MACROD1: variants seen among roughly 807,000 people sequenced by gnomAD.
The protein encoded by MACROD1 is mono-ADP ribosylhydrolase 1.
In MACROD1, 31 loss-of-function variants were observed where a neutral mutation model predicts 41.4. The observed-to-expected ratio is 0.75, with a 90% CI of 0.56 to 1.01. MACROD1 has a LOEUF of 1.01. MACROD1 is among the 50% of genes least tolerant of loss of function. The probability of loss-of-function intolerance (pLI) is 0.00; values close to 1 mark genes in which losing one functional copy is unlikely to be tolerated. For missense variants in MACROD1, 473 were observed against 460.0 expected (o/e 1.03, Z -0.26); for synonymous variants, 252 against 203.4 (o/e 1.24, Z -2.03).
At chr11:64,000,121 C>A in intron 5 of MACROD1, 106 bp downstream of exon 5, 1 of 872,500 alleles carries the variant, frequency 1.1e-6, no homozygotes, top group East Asian at 2.7e-5. Context: ...AGAAGGGCCC[C>A]CTGAGGAGTT....
intron 2 of MACROD1, among the ~76,000 whole-genome samples, chr11:64,151,718 G>A (rs75946111): frequency 2.1e-3 from 323 of 152,238 alleles, no homozygotes; most frequent in African/African-American, 7.1e-3. Flanking sequence ...CAACCAAATC[G>A]CAGCTTCAAA....
chr11:64,114,512 G>A lies in MACROD1; in HGVS notation c.517+36727C>T, dbSNP rs1204533907. Among the ~76,000 whole-genome samples the A allele has an allele frequency of 2.1e-4, 32 of 149,550 alleles. 2 individuals are homozygous for A. In the Admixed American group the frequency reaches 2.1e-3, roughly 10 times the overall value. On this transcript the variant is annotated intron_variant, in intron 3 of 10. Transcript: ENST00000255681. ...GAATGGATGGATGGATGGATGAATG[G>A]ATGGATGGATGGACAGGTGGATGTA... is the stretch of plus-strand genomic sequence containing the variant.
At chr11:64,000,871 G>A (rs1942813347) in intron 4 of MACROD1, among the ~76,000 whole-genome samples, 3 of 152,102 alleles carry the variant, frequency 2.0e-5, no homozygotes, top group African/African-American at 4.8e-5. Context: ...CCCATTTTGC[G>A]GATGAGGAAA....
intron 4 of MACROD1, among the ~76,000 whole-genome samples, chr11:64,007,198 G>C (rs1942927102): frequency 6.6e-6 from 1 of 152,210 alleles, no homozygotes; most frequent in Admixed American, 6.5e-5. Context: ...CGAGGGCTCG[G>C]GGGCGACGTG....
chr11:64,132,764 G>T (rs1945283419), intron 3 of MACROD1, among the ~76,000 whole-genome samples: 1 of 152,194 alleles, frequency 6.6e-6, no homozygotes, highest in Non-Finnish European at 1.5e-5. Context: ...TCCTGAAGGG[G>T]CGCCCATCTG....
At chr11:64,077,057 AG>A (rs1383622416) in intron 3 of MACROD1, among the ~76,000 whole-genome samples, 3 of 151,156 alleles carry the variant, frequency 2.0e-5, no homozygotes, top group Non-Finnish European at 4.4e-5. Context: ...AGGGCAGGGT[AG>A]GGGGGTCCAC....
Position 64,110,355 on chromosome 11 carries a change from G to A in MACROD1, c.517+40884C>T, listed in dbSNP as rs558283309. Reference sequence around the variant, plus strand: ...TCCCAGCTCTGCAGGAGGCTGAGGTGGGAGGATCACCTGAGCATGGGGAGG... The same window carrying A: ...TCCCAGCTCTGCAGGAGGCTGAGGTAGGAGGATCACCTGAGCATGGGGAGG... On this transcript the variant is annotated intron_variant, in intron 3 of 10. Coordinates refer to ENST00000255681, the MANE Select transcript of MACROD1 (RefSeq NM_014067.4). Among the ~76,000 whole-genome samples, 3 of 152,022 alleles carry A rather than the reference G, an allele frequency of 2.0e-5. No homozygotes were observed. In the East Asian group the frequency reaches 5.8e-4, roughly 29 times the overall value.
chr11:64,052,168 G>A (rs779468975), intron 3 of MACROD1, among the ~76,000 whole-genome samples: 2 of 151,938 alleles, frequency 1.3e-5, no homozygotes, highest in South Asian at 4.1e-4. Flanking sequence ...TCCCAACAAG[G>A]CACCCAGAGC....
chr11:64,107,306 G>A (rs1318049138), intron 3 of MACROD1, among the ~76,000 whole-genome samples: 1 of 152,174 alleles, frequency 6.6e-6, no homozygotes, highest in African/African-American at 2.4e-5. Context: ...TGCCGAGAGA[G>A]AAAGGAACAA....
At chr11:64,164,601 A>G (rs1047324706) in intron 1 of MACROD1, among the ~76,000 whole-genome samples, 7 of 152,238 alleles carry the variant, frequency 4.6e-5, no homozygotes, top group Admixed American at 2.6e-4. Flanking sequence ...TTCTGCCGTC[A>G]CTTTTAGATC....
At chr11:64,095,435 G>T (rs1305398777) in intron 3 of MACROD1, among the ~76,000 whole-genome samples, 1 of 152,194 alleles carries the variant, frequency 6.6e-6, no homozygotes, top group Non-Finnish European at 1.5e-5. Context: ...GGAGGGAAAG[G>T]GTGGGAGATT....
At chr11:64,011,824 TG>T (rs1943020584) in intron 4 of MACROD1, among the ~76,000 whole-genome samples, 2 of 151,754 alleles carry the variant, frequency 1.3e-5, no homozygotes, top group African/African-American at 4.8e-5. Flanking sequence ...CACGGGAAGA[TG>T]GGTGTGTCTG....
chr11:64,019,610 T>G (rs2134347573), intron 3 of MACROD1, among the ~76,000 whole-genome samples: 1 of 152,318 alleles, frequency 6.6e-6, no homozygotes, highest in African/African-American at 2.4e-5. Flanking sequence ...TCCTCCATGC[T>G]CCACACAAAA....
At chr11:64,081,964 G>A (rs1944312323) in intron 3 of MACROD1, 1 of 152,178 alleles carries the variant, frequency 6.6e-6, no homozygotes, top group South Asian at 2.1e-4. Context: ...TGTTCTAAAT[G>A]GACATGCCAT....
Position 64,118,225 on chromosome 11 carries a change from T to C in MACROD1, c.517+33014A>G, listed in dbSNP as rs79628679. ...AGCCTCTGCAAGGCCACACACACCATTGGCTACGGCACCACGCGGGGCTAC... is the reference window on the plus strand; with the variant it reads ...AGCCTCTGCAAGGCCACACACACCACTGGCTACGGCACCACGCGGGGCTAC... On this transcript the variant is annotated intron_variant, in intron 3 of 10. Transcript: ENST00000255681. The C allele has an allele frequency of 2.1e-4, 334 of 1,612,654 alleles. 1 individual carries two copies. The East Asian group carries it at 2.3e-3, about 11-fold the overall frequency.
intron 1 of MACROD1, among the ~76,000 whole-genome samples, chr11:64,159,789 G>A (rs893378351): frequency 5.9e-5 from 9 of 151,890 alleles, no homozygotes; most frequent in Admixed American, 1.3e-4. Context: ...AGCGAAACTC[G>A]GTCTCAAAAA....
intron 4 of MACROD1, among the ~76,000 whole-genome samples, chr11:64,015,036 T>C (rs1012982598): frequency 1.3e-5 from 2 of 152,090 alleles, no homozygotes; most frequent in Non-Finnish European, 2.9e-5. Context: ...GAGGCCTGCA[T>C]TCAGAGGGGT....
chr11:64,006,463 G>A (rs1490417648), intron 4 of MACROD1, among the ~76,000 whole-genome samples: 1 of 152,242 alleles, frequency 6.6e-6, no homozygotes, highest in African/African-American at 2.4e-5. Context: ...GGGAGAAGAT[G>A]GATGGACGAC....
intron 3 of MACROD1, among the ~76,000 whole-genome samples, chr11:64,065,532 G>A (rs901424678): frequency 6.6e-6 from 1 of 152,186 alleles, no homozygotes; most frequent in Non-Finnish European, 1.5e-5. Flanking sequence ...GCTCATGCCT[G>A]TAATCCCAGC....
Sources: gnomAD v4.1 joint callset for allele counts (sites outside exome capture counted in the v4.1 genomes callset) on GRCh38, gnomAD v4.1.1 for gene constraint, MANE v1.5 for transcripts, NCBI Gene and HGNC (gene_info 2026-07-23, HGNC 2026-07-21) for gene names.